The following PCCB variants were observed in gnomAD, a reference collection of about 807,000 sequenced individuals.
PCCB encodes propionyl-CoA carboxylase subunit beta.
A neutral mutation model predicts 60.7 loss-of-function variants in PCCB; 43 were observed. The ratio of observed to expected loss-of-function variants is 0.71; its 90% CI spans 0.55 to 0.91. PCCB has a LOEUF of 0.91. Ranked by LOEUF, PCCB falls within the 40% of genes least tolerant of loss-of-function variation. The pLI, the probability that PCCB is intolerant of heterozygous loss-of-function variation, is 0.00. For synonymous variants in PCCB, 276 were observed against 255.9 expected (o/e 1.08, Z -0.75); for missense variants, 766 against 702.8 (o/e 1.09, Z -1.02).
chr3:136,303,330 T>G (rs1170954176), intron 9 of PCCB, among the ~76,000 whole-genome samples: 1 of 122,012 alleles, frequency 8.2e-6, no homozygotes, highest in Non-Finnish European at 1.8e-5. Flanking sequence ...TTTATTTTGT[T>G]CTTAAAGTTA....
At chr3:136,318,824 A>G (rs1156632875) in intron 10 of PCCB, among the ~76,000 whole-genome samples, 1 of 152,226 alleles carries the variant, frequency 6.6e-6, no homozygotes, top group Non-Finnish European at 1.5e-5. Context: ...GTCAGTGGAC[A>G]CCTGGGTTAT....
At chr3:136,315,429 G>C (rs1319359645) in intron 9 of PCCB, among the ~76,000 whole-genome samples, 2 of 152,296 alleles carry the variant, frequency 1.3e-5, no homozygotes, top group Non-Finnish European at 2.9e-5. Flanking sequence ...TACTCGGGAG[G>C]CTTAGGAGAA....
At chr3:136,253,327 G>A (rs1031267598) in intron 1 of PCCB, among the ~76,000 whole-genome samples, 1 of 151,752 alleles carries the variant, frequency 6.6e-6, no homozygotes, top group South Asian at 2.1e-4. Flanking sequence ...CTGACCTCGT[G>A]ATCCGTCTGC....
chr3:136,310,063 C>G (rs1488297279), intron 9 of PCCB, among the ~76,000 whole-genome samples: 1 of 151,882 alleles, frequency 6.6e-6, no homozygotes, highest in Non-Finnish European at 1.5e-5. Flanking sequence ...GAAACTCTGT[C>G]TCTACAAAAA....
Position 136,255,900 on chromosome 3 carries a change from T to C in PCCB, c.228T>C (p.Pro76=), listed in dbSNP as rs754964959. Residue 76 remains proline, a synonymous_variant, in exon 2 of 15, where the codon CCT becomes CCC. Transcript: ENST00000251654. ...ARERISLLLD[P]GSFVESDMFV... is the part of the protein sequence containing the mutation. ...AGAGGATCAGTCTCTTGCTGGACCC[T>C]GGCAGCTTTGTTGAGAGCGACATGT... is the stretch of plus-strand genomic sequence containing the variant. 1 of 1,614,142 alleles carries C rather than the reference T, an allele frequency of 6.2e-7. No homozygotes were observed. The highest frequency in any genetic ancestry group is 1.1e-5 in the South Asian group (1 of 91,080).
At chr3:136,326,177 T>G in intron 10 of PCCB, 1 of 571,324 alleles carries the variant, frequency 1.8e-6, no homozygotes, top group Non-Finnish European at 3.1e-6. Context: ...AATTTTTCAT[T>G]TATGTTTTTG....
At chr3:136,256,149 G>A (rs1473707983) in intron 2 of PCCB, 174 bp downstream of exon 2, 5 of 935,668 alleles carry the variant, frequency 5.3e-6, no homozygotes, top group African/African-American at 4.9e-5. Context: ...CGCCATGTTG[G>A]TCAGGCTGGC....
chr3:136,260,384 C>T (rs557320329), intron 3 of PCCB, 95 bp from the exon 4 acceptor site: 1 of 1,121,194 alleles, frequency 8.9e-7, no homozygotes, highest in Admixed American at 2.0e-5. Context: ...GGCCTAAAAA[C>T]TTTTATCTGT....
chr3:136,261,863 G>A lies in PCCB; in HGVS notation c.430-89G>A, dbSNP rs1057513315. The A allele has an allele frequency of 1.5e-4, 138 of 899,936 alleles. No individual in the cohort carries two copies. The Admixed American group carries it at 2.6e-3, about 17-fold the overall frequency. 55.7% of individuals were successfully genotyped at this position (899,936 alleles called of 1,614,324 possible). On this transcript the variant is annotated intron_variant, in intron 4 of 14. Transcript: ENST00000251654. ...CTGTTTTGAAAAGTGCACTCAGAAC[G>A]TTTTCCAGAAAACACTGTGGTATTT... is the stretch of plus-strand genomic sequence containing the variant.
intron 10 of PCCB, 103 bp downstream of exon 10, chr3:136,317,167 T>C: frequency 9.3e-7 from 1 of 1,072,790 alleles, no homozygotes; most frequent in Non-Finnish European, 1.4e-6. Context: ...AGACATGGCC[T>C]TCCATGACCA....
At chr3:136,284,792 T>A (rs1933303736) in intron 6 of PCCB, among the ~76,000 whole-genome samples, 1 of 152,072 alleles carries the variant, frequency 6.6e-6, no homozygotes, top group Non-Finnish European at 1.5e-5. Context: ...CTTTTATTAA[T>A]CAAATTTAAG....
chr3:136,276,581 G>A (rs753753819), intron 5 of PCCB, among the ~76,000 whole-genome samples: 3 of 152,136 alleles, frequency 2.0e-5, no homozygotes, highest in African/African-American at 7.2e-5. Context: ...GGGCCAGGGC[G>A]GGGGTGGGGG....
intron 6 of PCCB, among the ~76,000 whole-genome samples, chr3:136,286,221 A>G (rs890137991): frequency 1.8e-4 from 27 of 152,220 alleles, no homozygotes; most frequent in African/African-American, 6.3e-4. Context: ...ACAATTTCTT[A>G]TGTCAGAGAT....
intron 9 of PCCB, among the ~76,000 whole-genome samples, chr3:136,308,909 A>G (rs1458160163): frequency 6.6e-6 from 1 of 152,200 alleles, no homozygotes; most frequent in Non-Finnish European, 1.5e-5. Flanking sequence ...AACCTATAGA[A>G]TATGTTTAAA....
rs767794302 is a variant in PCCB, at chr3:136,326,793, CTCTT to C, written c.1091-6_1091-3del. 7 of 1,554,750 alleles carry C rather than the reference CTCTT, an allele frequency of 4.5e-6. No individual in the cohort carries two copies. The highest frequency in any genetic ancestry group is 3.3e-5 in the Admixed American group (2 of 59,920). ...TGGATACTCAGTATGGATAATCTCT[CTCTT>C]TCTAGGATGCTTGGATATTAATTCA... On this transcript the variant is annotated splice_polypyrimidine_tract_variant and splice_region_variant and intron_variant, in intron 10 of 14. Coordinates refer to ENST00000251654, the MANE Select transcript of PCCB (RefSeq NM_000532.5).
intron 5 of PCCB, among the ~76,000 whole-genome samples, chr3:136,272,304 C>T (rs1022467031): frequency 6.6e-6 from 1 of 151,942 alleles, no homozygotes; most frequent in Admixed American, 6.6e-5. Flanking sequence ...TTATCAGAGA[C>T]ACTGGTCTGT....
At chr3:136,264,743 CG>C (rs2108151544) in intron 5 of PCCB, among the ~76,000 whole-genome samples, 1 of 151,424 alleles carries the variant, frequency 6.6e-6, no homozygotes, top group South Asian at 2.1e-4. Context: ...GGTGTGGTGG[CG>C]GGCGCCTGTA....
chr3:136,309,193 G>A (rs1194608322), intron 9 of PCCB, among the ~76,000 whole-genome samples: 1 of 150,886 alleles, frequency 6.6e-6, no homozygotes, highest in African/African-American at 2.4e-5. Context: ...AACCTGGGAG[G>A]CAGAGGTTGC....
intron 5 of PCCB, among the ~76,000 whole-genome samples, chr3:136,267,702 T>G (rs9872326): frequency 0.37 from 56,421 of 151,874 alleles, 11,603 homozygotes; most frequent in African/African-American, 0.55. Context: ...GCCCAGGCTG[T>G]TCTCAAACTT....
Sources: allele counts gnomAD v4.1 joint callset (sites outside exome capture counted in the v4.1 genomes callset), GRCh38; gene constraint gnomAD v4.1.1; transcripts MANE v1.5; gene names NCBI Gene and HGNC (gene_info 2026-07-23, HGNC 2026-07-21).